PHACTR3: variants seen among roughly 807,000 people sequenced by gnomAD.
PHACTR3 encodes phosphatase and actin regulator 3.
PHACTR3 carries 16 observed loss-of-function variants against 66.8 expected under a neutral mutation model. The observed-to-expected ratio is 0.24, with a 90% CI of 0.16 to 0.36. PHACTR3 has a LOEUF of 0.36. PHACTR3 is among the 10% of genes least tolerant of loss of function. The probability of loss-of-function intolerance (pLI) is 1.00; values close to 1 mark genes in which losing one functional copy is unlikely to be tolerated. For synonymous variants in PHACTR3, 323 were observed against 292.1 expected (o/e 1.11, Z -1.08); for missense variants, 647 against 719.9 (o/e 0.90, Z 1.16).
In PHACTR3 at chr20:59,611,527, G is replaced by A. The variant is rs966259050; in HGVS notation, c.118+6395G>A. On this transcript the variant is annotated intron_variant, in intron 1 of 12. Coordinates refer to ENST00000371015, the MANE Select transcript of PHACTR3 (RefSeq NM_080672.5). ...TCATGGGACCGTGTCCCTCAGTGAC[G>A]CAGAACAGCTTCAGGCACCAGGGCC... is the stretch of plus-strand genomic sequence containing the variant. 6.6e-5 allele frequency among the ~76,000 whole-genome samples: 10 copies of A among 152,338 alleles called. No individual in the cohort carries two copies. The East Asian group carries it at 7.7e-4, about 12-fold the overall frequency.
chr20:59,825,882 G>A (rs1399102473), intron 8 of PHACTR3, among the ~76,000 whole-genome samples: 1 of 152,176 alleles, frequency 6.6e-6, no homozygotes, highest in Non-Finnish European at 1.5e-5. Context: ...TAGGTCATGA[G>A]GGTGCAGTGC....
At chr20:59,630,971 C>A in intron 1 of PHACTR3, among the ~76,000 whole-genome samples, 1 of 151,936 alleles carries the variant, frequency 6.6e-6, no homozygotes, top group Admixed American at 6.6e-5. Flanking sequence ...AGGGGTGGGT[C>A]TGTGGGGTTT....
At chr20:59,774,859 A>G (rs1191587596) in intron 7 of PHACTR3, among the ~76,000 whole-genome samples, 1 of 152,120 alleles carries the variant, frequency 6.6e-6, no homozygotes, top group Non-Finnish European at 1.5e-5. Context: ...ACAGATGCTC[A>G]GTGTACAGAA....
intron 1 of PHACTR3, among the ~76,000 whole-genome samples, chr20:59,704,326 G>A (rs532390446): frequency 3.9e-5 from 6 of 152,112 alleles, no homozygotes; most frequent in Non-Finnish European, 8.8e-5. Context: ...TTGAAAAATT[G>A]TTAGGTCAAA....
intron 7 of PHACTR3, among the ~76,000 whole-genome samples, chr20:59,790,783 T>C (rs6064841): frequency 0.15 from 22,721 of 152,292 alleles, 2,137 homozygotes; most frequent in Middle Eastern, 0.22. Context: ...AAGTAGATAC[T>C]GCAAAATGTT....
At chr20:59,627,938 T>C (rs1437096694) in intron 1 of PHACTR3, among the ~76,000 whole-genome samples, 1 of 152,176 alleles carries the variant, frequency 6.6e-6, no homozygotes, top group Non-Finnish European at 1.5e-5. Context: ...CATCTACCAT[T>C]ATCTATCAAT....
rs78242343 is a variant in PHACTR3, at chr20:59,693,737, C to G, written c.119-49370C>G. Among the ~76,000 whole-genome samples, 1,186 of 152,302 alleles carry G rather than the reference C, an allele frequency of 7.8e-3. 19 individuals are homozygous for G. The highest frequency in any genetic ancestry group is 0.027 in the African/African-American group (1,138 of 41,550). Reference sequence around the variant, plus strand: ...CCCTGCATGCATCCGTATTCAACTGCAGGCTGGGTATAACACTGTCAGATT... The same window carrying G: ...CCCTGCATGCATCCGTATTCAACTGGAGGCTGGGTATAACACTGTCAGATT... On this transcript the variant is annotated intron_variant, in intron 1 of 12. Transcript: ENST00000371015.
At chr20:59,739,800 G>A (rs1437858571) in intron 1 of PHACTR3, among the ~76,000 whole-genome samples, 1 of 152,126 alleles carries the variant, frequency 6.6e-6, no homozygotes, top group East Asian at 1.9e-4. Context: ...CCTAGGGTGG[G>A]CCTGGTTTAT....
chr20:59,758,250 C>T (rs2039875365), intron 4 of PHACTR3, among the ~76,000 whole-genome samples: 1 of 152,096 alleles, frequency 6.6e-6, no homozygotes, highest in African/African-American at 2.4e-5. Flanking sequence ...AATGAGAAAA[C>T]ATTATTAATG....
chr20:59,845,131 G>A, intron 11 of PHACTR3, 58 bp from the exon 12 acceptor site: 1 of 1,061,436 alleles, frequency 9.4e-7, no homozygotes, highest in South Asian at 1.3e-5. Flanking sequence ...TAAACACGAT[G>A]CTAATTTCCT....
upstream of PHACTR3, among the ~76,000 whole-genome samples, chr20:59,600,888 G>A (rs578236793): frequency 2.6e-5 from 4 of 151,904 alleles, no homozygotes; most frequent in Non-Finnish European, 4.4e-5. Context: ...TGCCCACCAG[G>A]GCAAGAGGCA....
At chr20:59,782,137 G>A (rs560967281) in intron 7 of PHACTR3, among the ~76,000 whole-genome samples, 2 of 152,134 alleles carry the variant, frequency 1.3e-5, no homozygotes, top group East Asian at 1.9e-4. Context: ...GGGCTGGGTC[G>A]GGAGTTGAAA....
intron 1 of PHACTR3, among the ~76,000 whole-genome samples, chr20:59,675,474 G>A (rs1022484249): frequency 2.0e-5 from 3 of 152,266 alleles, no homozygotes; most frequent in Middle Eastern, 3.4e-3. Context: ...AGCTTCATTC[G>A]TTAAGTTCCT....
intron 1 of PHACTR3, among the ~76,000 whole-genome samples, chr20:59,617,355 G>A (rs769523410): frequency 6.2e-4 from 94 of 152,326 alleles, no homozygotes; most frequent in Middle Eastern, 6.8e-3. Context: ...AATTCCTGGA[G>A]CAAATGAGCA....
At chr20:59,841,639 TTAAGGGTA>T in intron 11 of PHACTR3, 104 bp downstream of exon 11, 1 of 1,238,976 alleles carries the variant, frequency 8.1e-7, no homozygotes, top group Non-Finnish European at 1.1e-6. Context: ...CCTCAACTAT[TTAAGGGTA>T]TACTGCAGTA....
At chr20:59,782,160 C>T (rs977631748) in intron 7 of PHACTR3, among the ~76,000 whole-genome samples, 1 of 152,088 alleles carries the variant, frequency 6.6e-6, no homozygotes, top group African/African-American at 2.4e-5. Flanking sequence ...TGTATTAGTC[C>T]GTTTTCACAC....
At chr20:59,821,956 C>G (rs1227715721) in intron 8 of PHACTR3, among the ~76,000 whole-genome samples, 1 of 151,496 alleles carries the variant, frequency 6.6e-6, no homozygotes. Flanking sequence ...ACCCCCTCCC[C>G]AGCAATCCTA....
chr20:59,610,618 A>G (rs1039112543), intron 1 of PHACTR3, among the ~76,000 whole-genome samples: 31 of 152,376 alleles, frequency 2.0e-4, no homozygotes, highest in African/African-American at 7.5e-4. Context: ...CCACATTTCA[A>G]GTGTGCGGGA....
intron 1 of PHACTR3, among the ~76,000 whole-genome samples, chr20:59,627,925 G>C (rs990822630): frequency 6.6e-6 from 1 of 151,430 alleles, no homozygotes; most frequent in Non-Finnish European, 1.5e-5. Context: ...TCTGCTAATC[G>C]ATCATCTACC....
Sources: gnomAD v4.1 joint callset for allele counts (sites outside exome capture counted in the v4.1 genomes callset) on GRCh38, gnomAD v4.1.1 for gene constraint, MANE v1.5 for transcripts, NCBI Gene and HGNC (gene_info 2026-07-23, HGNC 2026-07-21) for gene names.